ST6GALNAC3: variants seen among roughly 807,000 people sequenced by gnomAD.
The protein encoded by ST6GALNAC3 is ST6 N-acetylgalactosaminide alpha-2,6-sialyltransferase 3.
A neutral mutation model predicts 32.7 loss-of-function variants in ST6GALNAC3; 25 were observed. The observed-to-expected ratio is 0.76, with a 90% CI of 0.56 to 1.07. The LOEUF (loss-of-function observed/expected upper bound fraction) is 1.07, where lower values mean the gene tolerates loss of function less well. ST6GALNAC3 is among the 50% of genes least tolerant of loss of function. The pLI is 0.00. For synonymous variants in ST6GALNAC3, 129 were observed against 133.1 expected, an observed-to-expected ratio of 0.97 and a Z score of 0.21; for missense variants, 355 against 382.4, an observed-to-expected ratio of 0.93 and a Z score of 0.60.
intron 1 of ST6GALNAC3, among the ~76,000 whole-genome samples, chr1:76,117,941 T>TTATTTA (rs1395177442): frequency 6.6e-6 from 1 of 152,232 alleles, no homozygotes; most frequent in Non-Finnish European, 1.5e-5. Flanking sequence ...CTATTATGAT[T>TTATTTA]TAGTAAAATA....
chr1:76,119,129 G>A (rs6673424), intron 1 of ST6GALNAC3, among the ~76,000 whole-genome samples: 32,344 of 152,036 alleles, frequency 0.21, 4,426 homozygotes, highest in African/African-American at 0.38. Flanking sequence ...CCGATGGCAA[G>A]TTTTTACAAG....
chr1:76,385,327 T>C (rs541406789), intron 2 of ST6GALNAC3, among the ~76,000 whole-genome samples: 94 of 152,250 alleles, frequency 6.2e-4, no homozygotes, highest in African/African-American at 2.0e-3. Context: ...TGGAACTAGA[T>C]ATAACCACTT....
intron 3 of ST6GALNAC3, among the ~76,000 whole-genome samples, chr1:76,419,462 T>G (rs1224635459): frequency 6.6e-6 from 1 of 152,152 alleles, no homozygotes; most frequent in Non-Finnish European, 1.5e-5. Flanking sequence ...TTAAAGGGTT[T>G]ATTTATTTAT....
At chr1:76,218,027 T>C (rs1655568847) in intron 1 of ST6GALNAC3, among the ~76,000 whole-genome samples, 3 of 152,162 alleles carry the variant, frequency 2.0e-5, no homozygotes, top group Admixed American at 2.0e-4. Context: ...TCTAGGTAGA[T>C]ACCCAGGAGT....
chr1:76,583,924 A>G (rs1646925933), intron 3 of ST6GALNAC3, among the ~76,000 whole-genome samples: 1 of 152,052 alleles, frequency 6.6e-6, no homozygotes, highest in Non-Finnish European at 1.5e-5. Context: ...AGATCTCCAT[A>G]TTTTTTTCAG....
intron 3 of ST6GALNAC3, among the ~76,000 whole-genome samples, chr1:76,453,067 A>G (rs1320827305): frequency 1.3e-5 from 2 of 152,192 alleles, no homozygotes; most frequent in Admixed American, 1.3e-4. Context: ...TTATGCGCAT[A>G]GAAATGTTCA....
chr1:76,170,261 G>A lies in ST6GALNAC3; in HGVS notation c.18+95377G>A, dbSNP rs370490904. Among the ~76,000 whole-genome samples the A allele has an allele frequency of 7.9e-4, 120 of 152,238 alleles. 1 individual carries two copies. The East Asian group carries it at 0.02, about 25-fold the overall frequency. ...CTGTGGCAGAGTGCTAGCAGGTGTCGGGGTGCCTGCCTCCATGTGGGTGTT... is the reference window on the plus strand; with the variant it reads ...CTGTGGCAGAGTGCTAGCAGGTGTCAGGGTGCCTGCCTCCATGTGGGTGTT... On this transcript the variant is annotated intron_variant, in intron 1 of 4. Coordinates refer to ENST00000328299, the MANE Select transcript of ST6GALNAC3 (RefSeq NM_152996.4).
chr1:76,505,286 C>A (rs576837487), intron 3 of ST6GALNAC3, among the ~76,000 whole-genome samples: 7 of 151,998 alleles, frequency 4.6e-5, no homozygotes, highest in Admixed American at 2.0e-4. Context: ...CCATGCCCAG[C>A]TAATTTTTTG....
intron 1 of ST6GALNAC3, among the ~76,000 whole-genome samples, chr1:76,078,691 G>C (rs576933712): frequency 6.6e-6 from 1 of 152,128 alleles, no homozygotes; most frequent in Non-Finnish European, 1.5e-5. Flanking sequence ...AATCTTAGCA[G>C]GTTCATTTCT....
Position 76,130,545 on chromosome 1 carries a change from C to T in ST6GALNAC3, c.18+55661C>T, listed in dbSNP as rs1013285224. On this transcript the variant is annotated intron_variant, in intron 1 of 4. Transcript: ENST00000328299. ...TGTGCTCCCTCTGGCAGGGTGGCCA[C>T]CTGCTCATGTAGTTGACCCCTTGGG... Among the ~76,000 whole-genome samples, 3 of 152,338 alleles carry T rather than the reference C, an allele frequency of 2.0e-5. No homozygotes were observed. In the East Asian group the frequency reaches 5.8e-4, roughly 29 times the overall value.
intron 3 of ST6GALNAC3, among the ~76,000 whole-genome samples, chr1:76,451,447 A>G (rs1421762964): frequency 1.3e-5 from 2 of 152,126 alleles, no homozygotes; most frequent in Non-Finnish European, 2.9e-5. Context: ...TGATTCAGTT[A>G]CCTCCCACTG....
intron 1 of ST6GALNAC3, among the ~76,000 whole-genome samples, chr1:76,282,163 C>T (rs1009585741): frequency 4.4e-4 from 66 of 151,568 alleles, no homozygotes; most frequent in African/African-American, 1.6e-3. Flanking sequence ...TCTGGTTTCA[C>T]TTGTCTAGTC....
At chr1:76,542,070 G>A (rs932059493) in intron 3 of ST6GALNAC3, among the ~76,000 whole-genome samples, 1 of 152,130 alleles carries the variant, frequency 6.6e-6, no homozygotes, top group East Asian at 1.9e-4. Context: ...TTAAAAAATA[G>A]TGTTTTCCAA....
intron 3 of ST6GALNAC3, among the ~76,000 whole-genome samples, chr1:76,568,035 A>T (rs1665651306): frequency 6.6e-6 from 1 of 152,192 alleles, no homozygotes; most frequent in Non-Finnish European, 1.5e-5. Context: ...GAAAAGAAGA[A>T]AACACTTTAA....
intron 2 of ST6GALNAC3, among the ~76,000 whole-genome samples, chr1:76,332,427 C>G (rs1647205072): frequency 6.6e-6 from 1 of 152,046 alleles, no homozygotes; most frequent in African/African-American, 2.4e-5. Flanking sequence ...ATTGATTTTC[C>G]TATGTTCATC....
At chr1:76,597,408 A>T (rs1460631722) in intron 3 of ST6GALNAC3, among the ~76,000 whole-genome samples, 1 of 152,104 alleles carries the variant, frequency 6.6e-6, no homozygotes, top group Non-Finnish European at 1.5e-5. Context: ...CAGCCCAGAC[A>T]TACACACAAC....
At chr1:76,101,731 A>G (rs1647234226) in intron 1 of ST6GALNAC3, among the ~76,000 whole-genome samples, 2 of 152,274 alleles carry the variant, frequency 1.3e-5, no homozygotes, top group African/African-American at 2.4e-5. Context: ...GCTGTTTTAG[A>G]TGAAATCATT....
At chr1:76,139,730 A>AG (rs1386513617) in intron 1 of ST6GALNAC3, among the ~76,000 whole-genome samples, 3 of 152,316 alleles carry the variant, frequency 2.0e-5, no homozygotes, top group Non-Finnish European at 4.4e-5. Context: ...CTAAGAGTCC[A>AG]GGGCCTGGTT....
At chr1:76,407,203 A>G (rs1653896533) in intron 2 of ST6GALNAC3, among the ~76,000 whole-genome samples, 1 of 152,030 alleles carries the variant, frequency 6.6e-6, no homozygotes, top group South Asian at 2.1e-4. Context: ...TGATCATGAA[A>G]CTCTCCCACA....
Sources: gnomAD v4.1 joint callset for allele counts (sites outside exome capture counted in the v4.1 genomes callset) on GRCh38, gnomAD v4.1.1 for gene constraint, MANE v1.5 for transcripts, NCBI Gene and HGNC (gene_info 2026-07-23, HGNC 2026-07-21) for gene names.